PIP4P2: variants seen among roughly 807,000 people sequenced by gnomAD.
The protein encoded by PIP4P2 is type 2 phosphatidylinositol 4,5-bisphosphate 4-phosphatase.
In PIP4P2, 19 loss-of-function variants were observed where a neutral mutation model predicts 33.3. The ratio of observed to expected loss-of-function variants is 0.57; its 90% confidence interval spans 0.40 to 0.84. The LOEUF (loss-of-function observed/expected upper bound fraction) is 0.84. PIP4P2 is among the 40% of genes least tolerant of loss of function. PIP4P2 has a pLI of 0.00. For synonymous variants in PIP4P2, 110 were observed against 111.9 expected, an observed-to-expected ratio of 0.98 and a Z score of 0.11; for missense variants, 270 against 324.7, an observed-to-expected ratio of 0.83 and a Z score of 1.29.
chr8:90,995,854 A>G lies in PIP4P2; in HGVS notation c.631-34T>C, dbSNP rs1331574038. 3 of 1,570,918 alleles carry G rather than the reference A, an allele frequency of 1.9e-6. No homozygotes were observed. In the African/African-American group the frequency reaches 4.2e-5, roughly 22 times the overall value. ...AAAAGCAATATAAAAACAAAATATT[A>G]GAAACTTTAAAAAATATCTGCTTAG... On this transcript the variant is annotated intron_variant, in intron 6 of 6. Coordinates refer to ENST00000285419, the MANE Select transcript of PIP4P2 (RefSeq NM_018710.3).
At chr8:91,003,948 G>GAGATAGATAGATAGATAGAT (rs74275339) in intron 5 of PIP4P2, among the ~76,000 whole-genome samples, 18 of 138,172 alleles carry the variant, frequency 1.3e-4, no homozygotes, top group Admixed American at 5.9e-4. Flanking sequence ...GAACCAACAG[G>GAGATAGATAGATAGATAGAT]AGATAGATAG....
At chr8:91,020,337 A>G in intron 2 of PIP4P2, 74 bp from the exon 3 acceptor site, 1 of 1,357,224 alleles carries the variant, frequency 7.4e-7, no homozygotes, top group Non-Finnish European at 1.1e-6. Context: ...TGTGTTTAAA[A>G]AGGAAAGGAT....
chr8:91,015,001 TA>T (rs1243813547), intron 4 of PIP4P2, among the ~76,000 whole-genome samples: 2 of 152,014 alleles, frequency 1.3e-5, no homozygotes, highest in African/African-American at 4.8e-5. Flanking sequence ...CCCAATATAT[TA>T]AGAGAAGAAT....
chr8:91,012,825 T>C (rs1811857431), intron 4 of PIP4P2, among the ~76,000 whole-genome samples: 1 of 152,182 alleles, frequency 6.6e-6, no homozygotes, highest in African/African-American at 2.4e-5. Context: ...GGGAAAAATA[T>C]CTAAATGTAC....
At chr8:91,038,337 TA>T (rs1563570993) in intron 1 of PIP4P2, among the ~76,000 whole-genome samples, 2 of 152,154 alleles carry the variant, frequency 1.3e-5, no homozygotes, top group Non-Finnish European at 2.9e-5. Flanking sequence ...CTTCTTTTTT[TA>T]AAAAAATAAA....
intron 5 of PIP4P2, among the ~76,000 whole-genome samples, chr8:91,003,736 T>C (rs538725187): frequency 1.3e-5 from 2 of 152,022 alleles, no homozygotes; most frequent in East Asian, 3.9e-4. Context: ...CATAGGAACA[T>C]AAGAGAAAAC....
chr8:91,028,760 G>C (rs1012848932), intron 1 of PIP4P2, among the ~76,000 whole-genome samples: 10 of 152,162 alleles, frequency 6.6e-5, no homozygotes, highest in Non-Finnish European at 1.2e-4. Context: ...AAGATGCAAG[G>C]ATGGTGATAC....
At position 90,994,199 on chromosome 8, in the gene PIP4P2, T is replaced by A. The variant is rs990308654; in HGVS notation, c.*1478A>T. On this transcript the variant is annotated 3_prime_UTR_variant, in exon 7 of 7. Transcript: ENST00000285419. ...AAAGAAACAGGTACATTCCTAAACA[T>A]GAAAACTTTACAGCAAGATTTCAAG... The A allele has an allele frequency of 6.6e-6, 1 of 152,074 alleles. No homozygotes were observed. Among genetic ancestry groups the A allele is most frequent in the African/African-American group, 2.4e-5 (1 of 41,426 alleles). 9.4% of individuals were successfully genotyped at this position (152,074 alleles called of 1,614,324 possible).
At chr8:91,039,841 C>A (rs1220628874) in intron 1 of PIP4P2, among the ~76,000 whole-genome samples, 1 of 152,108 alleles carries the variant, frequency 6.6e-6, no homozygotes, top group African/African-American at 2.4e-5. Flanking sequence ...TAAATAGATT[C>A]CATATTTCTC....
chr8:91,029,999 A>G (rs1402810323), intron 1 of PIP4P2, among the ~76,000 whole-genome samples: 1 of 152,108 alleles, frequency 6.6e-6, no homozygotes. Flanking sequence ...AAAGATATAT[A>G]GTACAAATAT....
chr8:91,020,255 T>A lies in PIP4P2; in HGVS notation c.264A>T (p.Lys88Asn). Residue 88 changes from lysine to asparagine, a missense_variant, in exon 3 of 7, where the codon AAA becomes AAT. Physicochemically the swap from Lys to Asn is moderately conservative, Grantham distance 94 (BLOSUM62 0). Transcript: ENST00000285419. ...CATATTTCTTGCCTGTTGGGGGGTT[T>A]TTGATTGGCTGGATAAGGGAAGAAA... ...CTVCNEATPI[K>N]NPPTGKKYVR... is the part of the protein sequence containing the mutation. The A allele has an allele frequency of 6.2e-7, 1 of 1,613,686 alleles. No homozygotes were observed. Among genetic ancestry groups the A allele is most frequent in the South Asian group, 1.1e-5 (1 of 91,072 alleles).
intron 1 of PIP4P2, among the ~76,000 whole-genome samples, chr8:91,032,523 G>A (rs1302587172): frequency 6.6e-6 from 1 of 152,118 alleles, no homozygotes; most frequent in African/African-American, 2.4e-5. Flanking sequence ...GCTCATGCCT[G>A]TAATCCAAGC....
intron 4 of PIP4P2, among the ~76,000 whole-genome samples, chr8:91,013,727 G>A (rs1036111637): frequency 1.3e-5 from 2 of 151,912 alleles, no homozygotes; most frequent in Non-Finnish European, 2.9e-5. Flanking sequence ...GTAGAGGTGA[G>A]GTCTCTATGT....
At chr8:91,014,870 A>T (rs899175967) in intron 4 of PIP4P2, among the ~76,000 whole-genome samples, 1 of 151,988 alleles carries the variant, frequency 6.6e-6, no homozygotes, top group Non-Finnish European at 1.5e-5. Context: ...GACGTATATC[A>T]AAACATTAGG....
intron 2 of PIP4P2, among the ~76,000 whole-genome samples, chr8:91,020,806 T>A (rs546718609): frequency 6.6e-6 from 1 of 152,212 alleles, no homozygotes; most frequent in South Asian, 2.1e-4. Flanking sequence ...AAATGCATAA[T>A]CACAAAAGCC....
chr8:91,000,058 T>A (rs1422523980), intron 5 of PIP4P2, among the ~76,000 whole-genome samples: 1 of 152,060 alleles, frequency 6.6e-6, no homozygotes, highest in African/African-American at 2.4e-5. Context: ...TTTATTTCAT[T>A]CATTTGGCAG....
At chr8:90,996,349 G>A (rs1372365674) in intron 6 of PIP4P2, among the ~76,000 whole-genome samples, 1 of 151,986 alleles carries the variant, frequency 6.6e-6, no homozygotes, top group African/African-American at 2.4e-5. Context: ...AGACCCCATA[G>A]CCATAAAAAT....
chr8:91,001,387 C>T (rs1563561256), intron 5 of PIP4P2, among the ~76,000 whole-genome samples: 1 of 151,814 alleles, frequency 6.6e-6, no homozygotes, highest in Admixed American at 6.6e-5. Context: ...TCCTTTCTGC[C>T]CATCCCGCAC....
At position 90,994,389 on chromosome 8, in the gene PIP4P2, T is replaced by G. The variant is rs1315465831; in HGVS notation, c.*1288A>C. ...TACATGTATTTTGCTTCAAATTCTG[T>G]GATGAGTACGTTTTTATACTAATCA... On this transcript the variant is annotated 3_prime_UTR_variant, in exon 7 of 7. Coordinates refer to ENST00000285419, the MANE Select transcript of PIP4P2 (RefSeq NM_018710.3). The G allele has an allele frequency of 6.6e-6, 1 of 152,144 alleles. No individual in the cohort carries two copies. Among genetic ancestry groups the G allele is most frequent in the Non-Finnish European group, 1.5e-5 (1 of 67,952 alleles). 9.4% of individuals were successfully genotyped at this position (152,144 alleles called of 1,614,324 possible).
Sources: gnomAD v4.1 joint callset for allele counts (sites outside exome capture counted in the v4.1 genomes callset) on GRCh38, gnomAD v4.1.1 for gene constraint, MANE v1.5 for transcripts, NCBI Gene and HGNC (gene_info 2026-07-23, HGNC 2026-07-21) for gene names.